Variants in ST7 observed in about 807,000 individuals in gnomAD.
The protein encoded by ST7 is suppression of tumorigenicity 7.
In ST7, 28 loss-of-function variants were observed where a neutral mutation model predicts 78.7. The ratio of observed to expected loss-of-function variants is 0.36; its 90% CI spans 0.26 to 0.49. The LOEUF (loss-of-function observed/expected upper bound fraction) is 0.49, where lower values mean the gene tolerates loss of function less well. Among genes scored for constraint, ST7 ranks in the 20% least tolerant of loss-of-function variants. The pLI is 0.99. For missense variants in ST7, 418 were observed against 696.0 expected, an observed-to-expected ratio of 0.60 and a Z score of 4.49; for synonymous variants, 247 against 249.6, an observed-to-expected ratio of 0.99 and a Z score of 0.10.
intron 8 of ST7, chr7:117,136,980 T>G (rs909343996): frequency 2.0e-5 from 3 of 152,082 alleles, no homozygotes; most frequent in African/African-American, 7.2e-5. Flanking sequence ...GAAGCAGAAA[T>G]TTAGCAGTCC....
chr7:117,008,788 G>T (rs1307574590), intron 1 of ST7, among the ~76,000 whole-genome samples: 1 of 152,158 alleles, frequency 6.6e-6, no homozygotes, highest in Non-Finnish European at 1.5e-5. Flanking sequence ...TGCAGAGAAA[G>T]GTCAAATCAA....
chr7:117,119,991 T>A (rs1803234125), intron 3 of ST7, among the ~76,000 whole-genome samples: 1 of 151,826 alleles, frequency 6.6e-6, no homozygotes, highest in Non-Finnish European at 1.5e-5. Context: ...TGCAGTGGCA[T>A]GATCTTGGCT....
chr7:117,163,184 G>T (rs911026022), intron 9 of ST7, among the ~76,000 whole-genome samples: 20 of 152,216 alleles, frequency 1.3e-4, no homozygotes, highest in African/African-American at 4.8e-4. Flanking sequence ...TCTGTTGTTG[G>T]ACACCTGTGT....
chr7:117,082,147 T>G lies in ST7; in HGVS notation c.152-17615T>G, dbSNP rs545397922. Among the ~76,000 whole-genome samples the G allele has an allele frequency of 2.0e-5, 3 of 152,268 alleles. No homozygotes were observed. In the East Asian group the frequency reaches 5.8e-4, roughly 29 times the overall value. ...TAATCTTTACTTAAAGTCAATGGAT[T>G]GTGTATTTTAATCACATCTACAAAA... On this transcript the variant is annotated intron_variant, in intron 1 of 15. Transcript: ENST00000323984.
At chr7:117,180,558 A>AAAAT (rs952387336) in intron 10 of ST7, among the ~76,000 whole-genome samples, 13 of 152,344 alleles carry the variant, frequency 8.5e-5, no homozygotes, top group East Asian at 5.8e-4. Context: ...TATAGTTAAA[A>AAAAT]AAATAAATAA....
intron 1 of ST7, among the ~76,000 whole-genome samples, chr7:117,024,689 T>A (rs1408625435): frequency 6.6e-6 from 1 of 152,128 alleles, no homozygotes; most frequent in African/African-American, 2.4e-5. Context: ...TTTAGTAGGA[T>A]CCCCCAACCT....
At chr7:117,144,633 C>CAAAA (rs535930435) in intron 9 of ST7, among the ~76,000 whole-genome samples, 84 of 103,890 alleles carry the variant, frequency 8.1e-4, no homozygotes, top group African/African-American at 2.6e-3. Context: ...ACCCTGTCTC[C>CAAAA]AAAAAAAAAA....
At chr7:116,972,598 A>G (rs1355541071) in intron 1 of ST7, 2 of 1,415,952 alleles carry the variant, frequency 1.4e-6, no homozygotes, top group African/African-American at 1.4e-5. Context: ...CTGGAGTTCC[A>G]TCTTTTCTTC....
intron 1 of ST7, among the ~76,000 whole-genome samples, chr7:117,093,379 C>G (rs907485381): frequency 3.9e-5 from 6 of 152,164 alleles, no homozygotes; most frequent in African/African-American, 1.4e-4. Flanking sequence ...GCTCAGTCTC[C>G]CCTGCATTCT....
At chr7:116,958,400 C>T (rs1319863926) in intron 1 of ST7, among the ~76,000 whole-genome samples, 1 of 152,040 alleles carries the variant, frequency 6.6e-6, no homozygotes, top group East Asian at 1.9e-4. Context: ...TCAGTTTTGG[C>T]ATTTTTTCAT....
Position 117,189,370 on chromosome 7 carries a change from C to A in ST7, c.1128C>A (p.Leu376=). The A allele has an allele frequency of 6.2e-7, 1 of 1,606,984 alleles. No individual in the cohort carries two copies. Among genetic ancestry groups the A allele is most frequent in the South Asian group, 1.1e-5 (1 of 89,736 alleles). Residue 376 remains leucine, a synonymous_variant, in exon 11 of 16, where the codon CTC becomes CTA. Transcript: ENST00000323984. ...SATICYTAAL[L]KARAVSDKFS... is the part of the protein sequence containing the mutation. ...CAATATGCTACACAGCTGCTTTGCT[C>A]AAAGCAAGAGCTGTCTCTGACAAGT...
chr7:116,998,698 T>G (rs1374013208), intron 1 of ST7, among the ~76,000 whole-genome samples: 2 of 152,264 alleles, frequency 1.3e-5, no homozygotes, highest in Non-Finnish European at 2.9e-5. Context: ...CATACTGTCC[T>G]CATGGAACTT....
At chr7:117,185,287 T>C (rs900553432) in intron 10 of ST7, among the ~76,000 whole-genome samples, 5 of 152,230 alleles carry the variant, frequency 3.3e-5, no homozygotes, top group Non-Finnish European at 5.9e-5. Context: ...ATTCTACTTT[T>C]GTCTGTGCTG....
intron 9 of ST7, among the ~76,000 whole-genome samples, chr7:117,151,233 A>G (rs1806221931): frequency 6.6e-6 from 1 of 152,248 alleles, no homozygotes; most frequent in East Asian, 1.9e-4. Flanking sequence ...CCTTTAGAAT[A>G]GAATGCAAAC....
rs186306836 is a variant in ST7 at position 116,963,209 on chromosome 7, T to G, written c.151+9518T>G. On this transcript the variant is annotated intron_variant, in intron 1 of 15. Transcript: ENST00000323984. ...GTTTGAAACCACACTACTGTCTGTTTGTTGTAAATGTGGAATAATATCTCT... is the reference window on the plus strand; with the variant it reads ...GTTTGAAACCACACTACTGTCTGTTGGTTGTAAATGTGGAATAATATCTCT... 1.1e-4 allele frequency among the ~76,000 whole-genome samples: 17 copies of G among 152,372 alleles called. No homozygotes were observed. The East Asian group carries it at 1.9e-3, about 17-fold the overall frequency.
Position 117,020,388 on chromosome 7 carries a change from A to G in ST7, c.151+66697A>G, listed in dbSNP as rs139091885. The G allele has an allele frequency of 9.7e-6, 5 of 517,032 alleles. No individual in the cohort carries two copies. The Admixed American group carries it at 1.2e-4, about 12-fold the overall frequency. 32.0% of individuals were successfully genotyped at this position (517,032 alleles called of 1,614,324 possible). A position where few individuals can be genotyped will look rare whatever the true frequency, so the allele number is the denominator to read the frequency against. ...AGCTCTTCGGTTTTTGGTGCTGTTA[A>G]GAGACCTTGCATTTCAATCACACCG... On this transcript the variant is annotated intron_variant, in intron 1 of 15. Transcript: ENST00000323984.
Position 117,170,946 on chromosome 7 carries a change from G to C in ST7, c.1048G>C (p.Asp350His). 6.2e-7 allele frequency: 1 copy of C among 1,611,726 alleles called. No individual in the cohort carries two copies. The highest frequency in any genetic ancestry group is 1.1e-5 in the South Asian group (1 of 90,696). Residue 350 changes from aspartate (D) to histidine (H), a missense_variant, in exon 10 of 16, where the codon GAT becomes CAT. Coordinates refer to ENST00000323984, the MANE Select transcript of ST7 (RefSeq NM_001369598.1). ...EALLELQAYADVQAVLAKYDD... is the reference protein window; with the variant it reads ...EALLELQAYAHVQAVLAKYDD... ...CCTTCTGGAACTACAAGCATATGCT[G>C]ATGTTCAGGCAGTCTTAGCAAAGTA...
intron 2 of ST7, among the ~76,000 whole-genome samples, chr7:117,113,970 T>TA (rs1172682784): frequency 1.3e-5 from 2 of 152,146 alleles, no homozygotes; most frequent in Admixed American, 1.3e-4. Context: ...CCTGTGAACT[T>TA]AGAGACACTG....
At chr7:117,030,919 A>G (rs780800478) in intron 1 of ST7, among the ~76,000 whole-genome samples, 1 of 152,204 alleles carries the variant, frequency 6.6e-6, no homozygotes, top group Non-Finnish European at 1.5e-5. Context: ...CATAATATCA[A>G]AGACATGGAA....
Sources: allele counts gnomAD v4.1 joint callset (sites outside exome capture counted in the v4.1 genomes callset), GRCh38; gene constraint gnomAD v4.1.1; transcripts MANE v1.5; gene names NCBI Gene and HGNC (gene_info 2026-07-23, HGNC 2026-07-21).